Variants in FSTL4 observed in about 807,000 individuals in gnomAD.
FSTL4 encodes the protein follistatin like 4.
Under a neutral mutation model 78.2 loss-of-function variants are expected in FSTL4, and 28 were observed. That is an observed-to-expected ratio of 0.36 (90% CI 0.27 to 0.49). The LOEUF is 0.49. Among genes scored for constraint, FSTL4 ranks in the 20% least tolerant of loss-of-function variants. The pLI is 0.98. For synonymous variants in FSTL4, 422 were observed against 440.5 expected, an observed-to-expected ratio of 0.96 and a Z score of 0.53; for missense variants, 922 against 1,084.9, an observed-to-expected ratio of 0.85 and a Z score of 2.11.
chr5:133,352,313 C>T (rs796410985), intron 4 of FSTL4, among the ~76,000 whole-genome samples: 1,199 of 110,776 alleles, frequency 0.011, 22 homozygotes, highest in African/African-American at 0.047. Flanking sequence ...TATATATATA[C>T]ACACATATAT....
chr5:133,811,906 T>G, the FSTL4 span, among the ~76,000 whole-genome samples: 385 of 152,308 alleles, frequency 2.5e-3, 1 homozygote, highest in African/African-American at 8.8e-3. Flanking sequence ...TTGTCTTCAC[T>G]TGGAATGTCT....
chr5:133,213,139 A>ATTATAGG (rs1478183812), intron 13 of FSTL4, among the ~76,000 whole-genome samples: 1 of 151,108 alleles, frequency 6.6e-6, no homozygotes, highest in East Asian at 1.9e-4. Context: ...AGTAGCTGGG[A>ATTATAGG]TTATAGGCCT....
intron 4 of FSTL4, among the ~76,000 whole-genome samples, chr5:133,389,376 C>T (rs755144255): frequency 2.6e-5 from 4 of 152,202 alleles, no homozygotes; most frequent in African/African-American, 9.7e-5. Flanking sequence ...GGGGTCTTAA[C>T]TTCCCTGTAA....
chr5:133,349,293 C>CTGTGTGTGTGTGTGTG (rs1297491221), intron 4 of FSTL4, among the ~76,000 whole-genome samples: 2 of 99,206 alleles, frequency 2.0e-5, no homozygotes, highest in South Asian at 3.5e-4. Context: ...AAGCCTCTCT[C>CTGTGTGTGTGTGTGTG]TCTGTGTGTG....
intron 6 of FSTL4, among the ~76,000 whole-genome samples, chr5:133,267,608 G>A (rs761871585): frequency 9.2e-5 from 14 of 152,034 alleles, no homozygotes; most frequent in Non-Finnish European, 1.5e-4. Context: ...CTTGCTAAAG[G>A]GGGGACTTGG....
chr5:133,518,675 A>G (rs1341087141), intron 3 of FSTL4, among the ~76,000 whole-genome samples: 2 of 152,232 alleles, frequency 1.3e-5, no homozygotes, highest in East Asian at 1.9e-4. Flanking sequence ...ATGGACAAGG[A>G]TATAAGAACA....
intron 3 of FSTL4, among the ~76,000 whole-genome samples, chr5:133,444,695 G>A (rs1443223069): frequency 6.6e-6 from 1 of 152,082 alleles, no homozygotes; most frequent in Non-Finnish European, 1.5e-5. Context: ...AAGTGAAGTA[G>A]GGGCTTCTGC....
chr5:133,644,598 G>A, the FSTL4 span, among the ~76,000 whole-genome samples: 1 of 152,228 alleles, frequency 6.6e-6, no homozygotes, highest in African/African-American at 2.4e-5. Context: ...TGGTGGAGAA[G>A]ACATGGAAGG....
At chr5:133,634,965 A>G in the FSTL4 span, among the ~76,000 whole-genome samples, 1 of 152,208 alleles carries the variant, frequency 6.6e-6, no homozygotes, top group Non-Finnish European at 1.5e-5. Context: ...TTTTAAAACA[A>G]TAGACTCCAG....
intron 3 of FSTL4, among the ~76,000 whole-genome samples, chr5:133,452,906 T>C (rs1161869750): frequency 6.6e-6 from 1 of 152,246 alleles, no homozygotes; most frequent in East Asian, 1.9e-4. Context: ...CTGTGCAGTG[T>C]CCCATTTAGT....
rs183114355 is a variant in FSTL4, at chr5:133,474,371, G to T, written c.161-73385C>A. On this transcript the variant is annotated intron_variant, in intron 3 of 15. Transcript: ENST00000265342. ...TGCCAGTGCCCAGCTAGAGAGCACAGCACCCCCCGGAACACAGGTTCAGGC... is the reference window on the plus strand; with the variant it reads ...TGCCAGTGCCCAGCTAGAGAGCACATCACCCCCCGGAACACAGGTTCAGGC... Among the ~76,000 whole-genome samples the T allele has an allele frequency of 3.8e-3, 586 of 152,280 alleles. 4 individuals are homozygous for T. The highest frequency in any genetic ancestry group is 0.014 in the African/African-American group (576 of 41,550).
At chr5:133,536,147 C>T (rs1759346661) in intron 3 of FSTL4, among the ~76,000 whole-genome samples, 1 of 152,124 alleles carries the variant, frequency 6.6e-6, no homozygotes, top group African/African-American at 2.4e-5. Context: ...TCAGATTTTA[C>T]CCCCATTATA....
At chr5:133,305,389 C>T (rs368346534) in intron 6 of FSTL4, among the ~76,000 whole-genome samples, 2 of 152,208 alleles carry the variant, frequency 1.3e-5, no homozygotes, top group African/African-American at 4.8e-5. Context: ...GGTATTGCCT[C>T]CTCCCTCAGT....
chr5:133,302,072 G>C (rs1176813960), intron 6 of FSTL4, among the ~76,000 whole-genome samples: 1 of 151,892 alleles, frequency 6.6e-6, no homozygotes, highest in Non-Finnish European at 1.5e-5. Context: ...CTAGTTACGA[G>C]CGTTCGCTTG....
chr5:133,368,191 C>T (rs1487822252), intron 4 of FSTL4, among the ~76,000 whole-genome samples: 3 of 152,354 alleles, frequency 2.0e-5, no homozygotes, highest in East Asian at 1.9e-4. Context: ...TGGGAGGCCA[C>T]GGACCATGTG....
intron 3 of FSTL4, among the ~76,000 whole-genome samples, chr5:133,495,634 G>A (rs1409406679): frequency 1.3e-5 from 2 of 152,192 alleles, no homozygotes; most frequent in East Asian, 3.8e-4. Flanking sequence ...ACAGTGAACA[G>A]CAATGATGAG....
chr5:133,622,139 G>A, the FSTL4 span, among the ~76,000 whole-genome samples: 140 of 152,038 alleles, frequency 9.2e-4, no homozygotes, highest in African/African-American at 3.2e-3. Flanking sequence ...TATGTAAAGG[G>A]AATCATACAA....
chr5:133,249,688 C>G lies in FSTL4; in HGVS notation c.728-112G>C, dbSNP rs61111954. 2.2e-5 allele frequency: 16 copies of G among 736,980 alleles called. No individual in the cohort carries two copies. In the African/African-American group the frequency reaches 2.6e-4, roughly 12 times the overall value. 45.7% of individuals were successfully genotyped at this position (736,980 alleles called of 1,614,324 possible). On this transcript the variant is annotated intron_variant, in intron 6 of 15. Transcript: ENST00000265342. ...GTGGAAGAGGCCCAGAAGGGCTTCA[C>G]GACTCCCTGAAAATTGTTTACAATG... is the stretch of plus-strand genomic sequence containing the variant.
rs576762709 is a variant in FSTL4, at chr5:133,552,151, CCT to C, written c.160+15033_160+15034del. On this transcript the variant is annotated intron_variant, in intron 3 of 15. Coordinates refer to ENST00000265342, the MANE Select transcript of FSTL4 (RefSeq NM_015082.2). ...CACCTTCCCTCCTGCCCTCCACTTTCCTCTCTCCCCCATCTCCTTACTGACAT... is the reference window on the plus strand; with the variant it reads ...CACCTTCCCTCCTGCCCTCCACTTTCCTCTCCCCCATCTCCTTACTGACAT... 5.3e-5 allele frequency among the ~76,000 whole-genome samples: 8 copies of C among 152,300 alleles called. No homozygotes were observed. In the South Asian group the frequency reaches 1.7e-3, roughly 32 times the overall value.
Sources: gnomAD v4.1 joint callset for allele counts (sites outside exome capture counted in the v4.1 genomes callset) on GRCh38, gnomAD v4.1.1 for gene constraint, MANE v1.5 for transcripts, NCBI Gene and HGNC (gene_info 2026-07-23, HGNC 2026-07-21) for gene names.